Variants in INPP5J observed in about 807,000 individuals in gnomAD.
The protein encoded by INPP5J is inositol polyphosphate-5-phosphatase J.
Under a neutral mutation model 86.6 loss-of-function variants are expected in INPP5J, and 75 were observed. The ratio of observed to expected loss-of-function variants is 0.87; its 90% confidence interval spans 0.72 to 1.05. The LOEUF is 1.05. INPP5J is among the 50% of genes least tolerant of loss of function. The pLI is 0.00. For missense variants in INPP5J, 1,229 were observed against 1,341.2 expected, an observed-to-expected ratio of 0.92 and a Z score of 1.31; for synonymous variants, 540 against 550.0, an observed-to-expected ratio of 0.98 and a Z score of 0.25.
Position 31,123,053 on chromosome 22 carries a change from G to T in INPP5J, c.39G>T (p.Gly13=), listed in dbSNP as rs1441678998. 3 of 1,480,404 alleles carry T rather than the reference G, an allele frequency of 2.0e-6. No individual in the cohort carries two copies. Among genetic ancestry groups the T allele is most frequent in the Non-Finnish European group, 2.7e-6 (3 of 1,118,544 alleles). The allele number at this position is 1,480,404 out of a possible 1,614,324, so 91.7% of individuals were successfully genotyped here. The change falls in exon 1 of 13, where the codon GGG becomes GGT. Residue 13 remains glycine, a synonymous_variant. Transcript: ENST00000331075. ...GCAGCAGGGGCAGCAGGAGGCCAGG[G>T]ACCCGGGCTGGCCTGGGTTCCCTGC... The part of the protein sequence containing the change: ...GQSSRGSRRP[G]TRAGLGSLPM...
chr22:31,129,089 G>A lies in INPP5J; in HGVS notation c.2193+435G>A, dbSNP rs541618311. On this transcript the variant is annotated intron_variant, in intron 9 of 12. Transcript: ENST00000331075. Reference sequence around the variant, plus strand: ...CTGGGATTACATCACCCGCCACCACGCCAGGCTAATTTTTGTATTTTTAGT... The same window carrying A: ...CTGGGATTACATCACCCGCCACCACACCAGGCTAATTTTTGTATTTTTAGT... Among the ~76,000 whole-genome samples the A allele has an allele frequency of 7.3e-5, 11 of 150,652 alleles. No homozygotes were observed. In the East Asian group the frequency reaches 1.6e-3, roughly 21 times the overall value.
intron 1 of INPP5J, among the ~76,000 whole-genome samples, 179 bp from the exon 2 acceptor site, chr22:31,124,666 A>C (rs760170539): frequency 5.9e-5 from 9 of 152,210 alleles, no homozygotes; most frequent in African/African-American, 2.2e-4. Context: ...TTTGTGTCCT[A>C]TCTCCTCCAA....
chr22:31,128,927 C>CTTTTTTTTTTTTTTTT (rs56761879), intron 9 of INPP5J, among the ~76,000 whole-genome samples: 1 of 80,000 alleles, frequency 1.3e-5, no homozygotes, highest in African/African-American at 4.6e-5. Context: ...CATGCCTTTT[C>CTTTTTTTTTTTTTTTT]TTTTTTTTTT....
At position 31,134,278 on chromosome 22, in the gene INPP5J, G is replaced by A. The variant is rs748607275; in HGVS notation, c.2880G>A (p.Leu960=). The change falls in exon 13 of 13, where the codon CTG becomes CTA. Residue 960 remains leucine (L), a synonymous_variant. Transcript: ENST00000331075. ...FPPAVPRSLG[L]LPALRLETVD... ...CAGCTGTGCCTCGAAGCCTGGGCCT[G>A]TTGCCCGCCTTGCGCCTAGAGACTG... 118 of 1,553,672 alleles carry A rather than the reference G, an allele frequency of 7.6e-5. No individual in the cohort carries two copies. Among genetic ancestry groups the A allele is most frequent in the Admixed American group, 2.7e-4 (14 of 51,326 alleles).
At position 31,126,673 on chromosome 22, in the gene INPP5J, G is replaced by A; in HGVS notation, c.1446G>A (p.Gln482=). The change falls in exon 4 of 13, where the codon CAG becomes CAA. Residue 482 remains glutamine, a synonymous_variant. Transcript: ENST00000331075. Reference sequence around the variant, plus strand: ...TCAAGGACGCCCTCTTCACGGACCAGTGGAGTGAGCTGTTCATGGATGCGC... The same window carrying A: ...TCAAGGACGCCCTCTTCACGGACCAATGGAGTGAGCTGTTCATGGATGCGC... The part of the protein sequence containing the change: ...KRLKDALFTD[Q]WSELFMDALG... The A allele has an allele frequency of 6.2e-7, 1 of 1,614,004 alleles. No individual in the cohort carries two copies. The highest frequency in any genetic ancestry group is 8.5e-7 in the Non-Finnish European group (1 of 1,179,860).
chr22:31,123,172 C>A, intron 1 of INPP5J, 53 bp downstream of exon 1: 2 of 1,111,656 alleles, frequency 1.8e-6, no homozygotes, highest in Non-Finnish European at 2.5e-6. Context: ...TGGTTCCACA[C>A]ACCCCCCCCA....
chr22:31,133,553 G>A (rs1922285874), intron 11 of INPP5J, 57 bp from the exon 12 acceptor site: 1 of 1,591,234 alleles, frequency 6.3e-7, no homozygotes, highest in Non-Finnish European at 8.6e-7. Flanking sequence ...TCACCTTGGG[G>A]GCTCTCAGGT....
upstream of INPP5J, chr22:31,122,628 C>A (rs1280024713): frequency 1.1e-5 from 2 of 179,990 alleles, no homozygotes; most frequent in African/African-American, 2.4e-5. Context: ...GTCTCTGAGG[C>A]CCTGGAGAGG....
At chr22:31,130,513 C>CAAAAA (rs753550517) in intron 9 of INPP5J, among the ~76,000 whole-genome samples, 1 of 108,838 alleles carries the variant, frequency 9.2e-6, no homozygotes. Flanking sequence ...GACCTTGTCT[C>CAAAAA]AAAAAAAAAA....
At position 31,122,983 on chromosome 22, in the gene INPP5J, C is replaced by T. The variant is rs1315153670; in HGVS notation, c.-32C>T. On this transcript the variant is annotated 5_prime_UTR_variant, in exon 1 of 13. Coordinates refer to ENST00000331075, the MANE Select transcript of INPP5J (RefSeq NM_001284285.2). ...GGAGCGGTAGAGCTGGAGCCGGAGCCAAGGGAGTCCAGGCTGCCGGGGGCT... is the reference window on the plus strand; with the variant it reads ...GGAGCGGTAGAGCTGGAGCCGGAGCTAAGGGAGTCCAGGCTGCCGGGGGCT... 56 of 1,372,478 alleles carry T rather than the reference C, an allele frequency of 4.1e-5. No homozygotes were observed. The highest frequency in any genetic ancestry group is 5.1e-5 in the Non-Finnish European group (54 of 1,048,692). 85.0% of individuals were successfully genotyped at this position (1,372,478 alleles called of 1,614,324 possible).
chr22:31,127,670 A>G, intron 6 of INPP5J, 138 bp downstream of exon 6: 1 of 930,006 alleles, frequency 1.1e-6, no homozygotes, highest in South Asian at 1.8e-5. Context: ...TAGGAACACG[A>G]AAGCAGAGAG....
Position 31,125,980 on chromosome 22 carries a change from AG to A in INPP5J, c.1242del (p.Gln414HisfsTer45). The A allele has an allele frequency of 6.3e-7, 1 of 1,590,322 alleles. No individual in the cohort carries two copies. On this transcript the variant is annotated frameshift_variant, in exon 2 of 13. Transcript: ENST00000331075. LOFTEE classifies it high-confidence loss of function. ...CTGTCATCCTCCCCTTGGTCAGCTC[AG>A]CCTACCTGGAAGAGCGACCCCGGCT... The part of the protein sequence containing the change: ...STLSSSPWSA[Q>X]PTWKSDPGFR...
At chr22:31,126,200 T>G in intron 2 of INPP5J, 176 bp from the exon 3 acceptor site, 1 of 783,636 alleles carries the variant, frequency 1.3e-6, no homozygotes, top group Non-Finnish European at 2.0e-6. Context: ...CGCCTCTCAG[T>G]TGATCTCCCC....
rs555138488 is a variant in INPP5J, at chr22:31,124,933, G to A, written c.194G>A (p.Arg65Gln). 2.9e-4 allele frequency: 460 copies of A among 1,613,248 alleles called. 4 individuals carry two copies. In the South Asian group the frequency reaches 4.3e-3, roughly 15 times the overall value. The stretch of plus-strand genomic sequence containing the variant: ...TTGGCTCTGGCACCTGTAGGGCCAC[G>A]GGCAGCTATGTCAGCTTCCTCGGAA... Reference protein sequence around the residue: ...PRLALAPVGPRAAMSASSEGP... With the variant: ...PRLALAPVGPQAAMSASSEGP... Residue 65 changes from arginine (R) to glutamine (Q), a missense_variant, in exon 2 of 13, where the codon CGG (arginine) becomes CAG (glutamine). Transcript: ENST00000331075.
In INPP5J at chr22:31,125,439, T is replaced by G. The variant is rs1208822855; in HGVS notation, c.700T>G (p.Ser234Ala). 6.4e-7 allele frequency: 1 copy of G among 1,550,484 alleles called. No individual in the cohort carries two copies. The highest frequency in any genetic ancestry group is 1.2e-5 in the South Asian group (1 of 84,064). ...ASGAASVGQT[S>A]ARKRDAPAPR... is the part of the protein sequence containing the mutation. ...AGGCGCAGCCTCTGTGGGACAGACA[T>G]CAGCTAGAAAGAGGGATGCCCCAGC... Residue 234 changes from serine (S) to alanine (A), a missense_variant, in exon 2 of 13, where the codon TCA becomes GCA. By Grantham distance (99) the Ser-to-Ala change is moderately conservative (BLOSUM62 1). Coordinates refer to ENST00000331075, the MANE Select transcript of INPP5J (RefSeq NM_001284285.2).
In INPP5J at chr22:31,125,339, C is replaced by T; in HGVS notation, c.600C>T (p.Ser200=). ...ASEEQPPELP[S]TPSPVPSPVL... is the part of the protein sequence containing the mutation. Reference sequence around the variant, plus strand: ...AGGAGCAGCCCCCAGAACTCCCCTCCACCCCTTCCCCGGTGCCCAGTCCAG... The same window carrying T: ...AGGAGCAGCCCCCAGAACTCCCCTCTACCCCTTCCCCGGTGCCCAGTCCAG... Residue 200 remains serine (S), a synonymous_variant, in exon 2 of 13, where the codon TCC becomes TCT. Coordinates refer to ENST00000331075, the MANE Select transcript of INPP5J (RefSeq NM_001284285.2). 6.4e-7 allele frequency: 1 copy of T among 1,550,584 alleles called. No individual in the cohort carries two copies. The highest frequency in any genetic ancestry group is 8.7e-7 in the Non-Finnish European group (1 of 1,146,982).
Position 31,128,654 on chromosome 22 carries a change from G to A in INPP5J, c.2193G>A (p.Gln731=), listed in dbSNP as rs1921751311. The change falls in exon 9 of 13, where the codon CAG becomes CAA. Residue 731 remains glutamine (Q), a splice_region_variant and synonymous_variant. Coordinates refer to ENST00000331075, the MANE Select transcript of INPP5J (RefSeq NM_001284285.2). ...HKPVAAQFLL[Q]FAFRDDMPLV... Reference sequence around the variant, plus strand: ...CTGTGGCTGCCCAGTTCCTCCTGCAGGTGAGTTCTGGCCTCATCCTCCCCG... The same window carrying A: ...CTGTGGCTGCCCAGTTCCTCCTGCAAGTGAGTTCTGGCCTCATCCTCCCCG... The A allele has an allele frequency of 6.3e-7, 1 of 1,575,746 alleles. No homozygotes were observed. Among genetic ancestry groups the A allele is most frequent in the South Asian group, 1.2e-5 (1 of 84,352 alleles).
rs1048684028 is a variant in INPP5J at position 31,125,471 on chromosome 22, A to G, written c.732A>G (p.Arg244=). 1 of 1,548,390 alleles carries G rather than the reference A, an allele frequency of 6.5e-7. No homozygotes were observed. Among genetic ancestry groups the G allele is most frequent in the Non-Finnish European group, 8.7e-7 (1 of 1,146,328 alleles). The change falls in exon 2 of 13, where the codon AGA becomes AGG. Residue 244 remains arginine (R), a synonymous_variant. Coordinates refer to ENST00000331075, the MANE Select transcript of INPP5J (RefSeq NM_001284285.2). ...SARKRDAPAP[R]PLPASEGHLQ... The stretch of plus-strand genomic sequence containing the variant: ...GAAAGAGGGATGCCCCAGCCCCTAG[A>G]CCTCTCCCTGCTTCTGAGGGGCATC...
In INPP5J at chr22:31,134,387, C is replaced by T. The variant is rs540367925; in HGVS notation, c.2989C>T (p.Arg997Trp). The change falls in exon 13 of 13, where the codon CGG becomes TGG. Residue 997 changes from arginine to tryptophan, a missense_variant. Physicochemically the swap from Arg to Trp is moderately radical, Grantham distance 101. Transcript: ENST00000331075. ...NSLSPSPQGH[R>W]GLEEGGLGP ...CCTGTCTCCTAGTCCCCAGGGCCAT[C>T]GGGGGCTGGAGGAAGGGGGCCTGGG... The T allele has an allele frequency of 1.2e-5, 17 of 1,477,462 alleles. No homozygotes were observed. The East Asian group carries it at 3.0e-4, about 26-fold the overall frequency. The allele number at this position is 1,477,462 out of a possible 1,614,324, so 91.5% of individuals were successfully genotyped here.
Sources: gnomAD v4.1 joint callset for allele counts (sites outside exome capture counted in the v4.1 genomes callset) on GRCh38, gnomAD v4.1.1 for gene constraint, MANE v1.5 for transcripts, NCBI Gene and HGNC (gene_info 2026-07-23, HGNC 2026-07-21) for gene names.